The following EHHADH variants were observed in gnomAD, a reference collection of about 807,000 sequenced individuals.
EHHADH encodes the protein enoyl-CoA hydratase and 3-hydroxyacyl CoA dehydrogenase.
A neutral mutation model predicts 64.4 loss-of-function variants in EHHADH; 48 were observed. The ratio of observed to expected loss-of-function variants is 0.75; its 90% confidence interval spans 0.59 to 0.95. EHHADH has a LOEUF of 0.95. Ranked by LOEUF, EHHADH falls within the 40% of genes least tolerant of loss-of-function variation. The probability of loss-of-function intolerance (pLI) is 0.00; values close to 1 mark genes in which losing one functional copy is unlikely to be tolerated. For missense variants in EHHADH, 854 were observed against 876.6 expected (o/e 0.97, Z 0.33); for synonymous variants, 308 against 326.7 (o/e 0.94, Z 0.62).
chr3:185,245,410 G>A, intron 2 of EHHADH: 2 of 622,480 alleles, frequency 3.2e-6, no homozygotes. Context: ...ATGGCAAACT[G>A]GTTTAGCCAC....
In EHHADH at chr3:185,203,326, T is replaced by C. The variant is rs542980254; in HGVS notation, c.910+1090A>G. Reference sequence around the variant, plus strand: ...GGATAAAAAGTATATGAGAATTTTTTGTACTATTATAACTTTCCTGCATGT... The same window carrying C: ...GGATAAAAAGTATATGAGAATTTTTCGTACTATTATAACTTTCCTGCATGT... On this transcript the variant is annotated intron_variant, in intron 6 of 6. Coordinates refer to ENST00000231887, the MANE Select transcript of EHHADH (RefSeq NM_001966.4). 2.0e-5 allele frequency among the ~76,000 whole-genome samples: 3 copies of C among 152,242 alleles called. No homozygotes were observed. The South Asian group carries it at 6.2e-4, about 32-fold the overall frequency.
intron 6 of EHHADH, among the ~76,000 whole-genome samples, chr3:185,197,505 T>C (rs1718096969): frequency 6.6e-6 from 1 of 152,328 alleles, no homozygotes; most frequent in South Asian, 2.1e-4. Flanking sequence ...ATCTGTGCAT[T>C]TGACTACTCC....
intron 4 of EHHADH, among the ~76,000 whole-genome samples, chr3:185,228,889 C>A (rs1224775115): frequency 1.3e-5 from 2 of 151,802 alleles, no homozygotes. Context: ...CCGCAACCTC[C>A]GCTTCCTGGG....
At chr3:185,209,202 A>T (rs2108632425) in intron 5 of EHHADH, among the ~76,000 whole-genome samples, 1 of 152,234 alleles carries the variant, frequency 6.6e-6, no homozygotes, top group East Asian at 1.9e-4. Flanking sequence ...TTCAGAAGAT[A>T]ACTATACCAT....
chr3:185,214,230 C>T (rs1718625710), intron 5 of EHHADH, among the ~76,000 whole-genome samples: 1 of 152,184 alleles, frequency 6.6e-6, no homozygotes, highest in Admixed American at 6.5e-5. Context: ...ACATTACACC[C>T]CAAAACCTTG....
intron 1 of EHHADH, chr3:185,253,354 G>A (rs1225202080): frequency 2.1e-5 from 3 of 142,334 alleles, no homozygotes; most frequent in Middle Eastern, 5.2e-4. Flanking sequence ...CTGGATCAAA[G>A]TCCAACATCA....
intron 6 of EHHADH, among the ~76,000 whole-genome samples, chr3:185,204,132 CAAAA>C (rs1220063126): frequency 9.8e-5 from 3 of 30,528 alleles, no homozygotes; most frequent in Non-Finnish European, 2.1e-4. Flanking sequence ...GACTCTGTCT[CAAAA>C]AAAAAAAAAA....
rs757709975 is a variant in EHHADH at position 185,193,293 on chromosome 3, C to A, written c.1105G>T (p.Val369Leu). The A allele has an allele frequency of 1.2e-6, 2 of 1,607,756 alleles. No individual in the cohort carries two copies. The highest frequency in any genetic ancestry group is 3.4e-5 in the Admixed American group (2 of 58,840). ...AAATCTACACCACCAAGCTCCTTCACAGATGAAGTTAACCTGGGTTTTGGT... is the reference window on the plus strand; with the variant it reads ...AAATCTACACCACCAAGCTCCTTCAAAGATGAAGTTAACCTGGGTTTTGGT... Reference protein sequence around the residue: ...SGPKPRLTSSVKELGGVDLVI... With the variant: ...SGPKPRLTSSLKELGGVDLVI... Residue 369 changes from valine to leucine, a missense_variant, in exon 7 of 7, where the codon GTG becomes TTG. Val to Leu is a conservative substitution (Grantham distance 32). Coordinates refer to ENST00000231887, the MANE Select transcript of EHHADH (RefSeq NM_001966.4).
chr3:185,196,979 G>GT (rs1201713263), intron 6 of EHHADH, among the ~76,000 whole-genome samples: 1 of 151,580 alleles, frequency 6.6e-6, no homozygotes, highest in Non-Finnish European at 1.5e-5. Flanking sequence ...TCCAGCCTGG[G>GT]TGACAGAGTG....
intron 2 of EHHADH, chr3:185,245,842 G>A (rs1719580210): frequency 9.0e-6 from 8 of 891,564 alleles, no homozygotes; most frequent in East Asian, 4.8e-5. Context: ...GTTGCATAAC[G>A]AATTTCTTTT....
chr3:185,208,081 G>A (rs1343462706), intron 5 of EHHADH, among the ~76,000 whole-genome samples: 2 of 152,232 alleles, frequency 1.3e-5, no homozygotes, highest in Non-Finnish European at 2.9e-5. Flanking sequence ...GTTACAAAAA[G>A]ACTCTGGCTT....
chr3:185,215,704 G>A (rs1301842505), intron 5 of EHHADH, among the ~76,000 whole-genome samples: 1 of 152,030 alleles, frequency 6.6e-6, no homozygotes, highest in Non-Finnish European at 1.5e-5. Flanking sequence ...AAATAATTTA[G>A]AAATGTTTGA....
Position 185,204,832 on chromosome 3 carries a change from A to G in EHHADH, c.569-75T>C. 3 of 1,247,840 alleles carry G rather than the reference A, an allele frequency of 2.4e-6. No individual in the cohort carries two copies. In the South Asian group the frequency reaches 4.5e-5, roughly 19 times the overall value. The allele number at this position is 1,247,840 out of a possible 1,614,324, so 77.3% of individuals were successfully genotyped here. ...GGGAATGTGAATATATAGTAATAAC[A>G]ATAACCTGTTCAAATTCAAAGCACA... On this transcript the variant is annotated intron_variant, in intron 5 of 6. Transcript: ENST00000231887.
rs374647646 is a variant in EHHADH, at chr3:185,218,965, G to C, written c.464-725C>G. 6.6e-5 allele frequency among the ~76,000 whole-genome samples: 10 copies of C among 152,310 alleles called. No homozygotes were observed. The South Asian group carries it at 2.1e-3, about 32-fold the overall frequency. ...TTGAACCCAGGAGGTGGAGATTACA[G>C]TGGGCTGAGATCACACCACTGCACT... On this transcript the variant is annotated intron_variant, in intron 4 of 6. Transcript: ENST00000231887.
chr3:185,227,599 G>A (rs1295566282), intron 4 of EHHADH, among the ~76,000 whole-genome samples: 2 of 152,096 alleles, frequency 1.3e-5, no homozygotes, highest in Non-Finnish European at 2.9e-5. Context: ...GCCGAGGCAG[G>A]CAGATCACCT....
chr3:185,221,577 C>CTTTTT (rs10663266), intron 4 of EHHADH, among the ~76,000 whole-genome samples: 9 of 130,720 alleles, frequency 6.9e-5, no homozygotes, highest in Non-Finnish European at 9.3e-5. Flanking sequence ...ATTTTTTTTT[C>CTTTTT]TTTTTTTTTT....
At chr3:185,228,835 GCT>G (rs1299879305) in intron 4 of EHHADH, among the ~76,000 whole-genome samples, 3 of 151,468 alleles carry the variant, frequency 2.0e-5, no homozygotes, top group Non-Finnish European at 4.4e-5. Flanking sequence ...GATGAGTCTC[GCT>G]CTGTTGCCCA....
chr3:185,246,912 A>AT (rs1470788780), intron 2 of EHHADH, among the ~76,000 whole-genome samples: 1 of 152,028 alleles, frequency 6.6e-6, no homozygotes, highest in Non-Finnish European at 1.5e-5. Flanking sequence ...CTTTAGCTGC[A>AT]TCCCTCAAGT....
chr3:185,227,336 C>G (rs894910902), intron 4 of EHHADH, among the ~76,000 whole-genome samples: 5 of 148,372 alleles, frequency 3.4e-5, no homozygotes, highest in African/African-American at 1.3e-4. Flanking sequence ...AGTTCCAGAC[C>G]AGCCTGACCA....
Sources: allele counts gnomAD v4.1 joint callset (sites outside exome capture counted in the v4.1 genomes callset), GRCh38; gene constraint gnomAD v4.1.1; transcripts MANE v1.5; gene names NCBI Gene and HGNC (gene_info 2026-07-23, HGNC 2026-07-21).